The following PCDHA2 variants were observed in gnomAD, a reference collection of about 807,000 sequenced individuals.
PCDHA2 encodes protocadherin alpha-2.
PCDHA2 carries 58 observed loss-of-function variants against 66.0 expected under a neutral mutation model. The ratio of observed to expected loss-of-function variants is 0.88; its 90% CI spans 0.71 to 1.09. The LOEUF (loss-of-function observed/expected upper bound fraction) is 1.09, where lower values mean the gene tolerates loss of function less well. PCDHA2 is among the 50% of genes least tolerant of loss of function. PCDHA2 has a pLI of 0.00. For missense variants in PCDHA2, 1,267 were observed against 1,242.3 expected (o/e 1.02, Z -0.30); for synonymous variants, 634 against 554.0 (o/e 1.14, Z -2.03).
In PCDHA2 at chr5:140,846,938, C is replaced by A. The variant is rs1187863995; in HGVS notation, c.2388+49586C>A. 2.7e-5 allele frequency among the ~76,000 whole-genome samples: 4 copies of A among 149,452 alleles called. 2 individuals are homozygous for A. The highest frequency in any genetic ancestry group is 6.0e-5 in the Non-Finnish European group (4 of 66,840). On this transcript the variant is annotated intron_variant, in intron 1 of 3. Coordinates refer to ENST00000526136, the MANE Select transcript of PCDHA2 (RefSeq NM_018905.3). ...TCCTATTTGAATTTTTGAAGAAATACTTGAAGGGGCATGGTGTGTTTCAGT... is the reference window on the plus strand; with the variant it reads ...TCCTATTTGAATTTTTGAAGAAATAATTGAAGGGGCATGGTGTGTTTCAGT...
rs115974425 is a variant in PCDHA2 at position 140,805,899 on chromosome 5, C to T, written c.2388+8547C>T. ...GGCAATGGAAGGAAGCAAACATTTT[C>T]TGCAGGGTAAATATTTAGGAAATAT... On this transcript the variant is annotated intron_variant, in intron 1 of 3. Transcript: ENST00000526136. Among the ~76,000 whole-genome samples the T allele has an allele frequency of 6.6e-3, 1,004 of 152,236 alleles. 12 individuals carry two copies. The highest frequency in any genetic ancestry group is 9.3e-3 in the Non-Finnish European group (635 of 68,000).
At chr5:140,946,374 CGGTT>C (rs1308149019) in intron 1 of PCDHA2, among the ~76,000 whole-genome samples, 6 of 151,656 alleles carry the variant, frequency 4.0e-5, no homozygotes, top group Non-Finnish European at 5.9e-5. Flanking sequence ...CTCTTGCACA[CGGTT>C]GGTAGGAATG....
intron 1 of PCDHA2, among the ~76,000 whole-genome samples, chr5:140,885,682 A>G (rs1367880744): frequency 6.6e-6 from 1 of 152,194 alleles, no homozygotes; most frequent in Non-Finnish European, 1.5e-5. Flanking sequence ...TTCTATCTCA[A>G]GAAGCAATAG....
chr5:140,921,732 A>G lies in PCDHA2; in HGVS notation c.2389-57217A>G, dbSNP rs1345229893. 2.0e-5 allele frequency among the ~76,000 whole-genome samples: 3 copies of G among 152,206 alleles called. No individual in the cohort carries two copies. In the East Asian group the frequency reaches 5.8e-4, roughly 29 times the overall value. ...AAACACACGAATTACTCCCATAAAA[A>G]TTATAAGCATAACAGGACACTTCTT... is the stretch of plus-strand genomic sequence containing the variant. On this transcript the variant is annotated intron_variant, in intron 1 of 3. Coordinates refer to ENST00000526136, the MANE Select transcript of PCDHA2 (RefSeq NM_018905.3).
intron 1 of PCDHA2, chr5:140,882,210 CAGTTTG>C (rs1332497676): frequency 6.5e-7 from 1 of 1,533,604 alleles, no homozygotes; most frequent in African/African-American, 1.4e-5. Flanking sequence ...CCTTGAGAGA[CAGTTTG>C]AGGTAAGGCG....
At chr5:140,971,987 G>A (rs1246433962) in intron 1 of PCDHA2, among the ~76,000 whole-genome samples, 1 of 152,086 alleles carries the variant, frequency 6.6e-6, no homozygotes, top group Non-Finnish European at 1.5e-5. Context: ...GTAGACAGAA[G>A]TTCCAATGTT....
intron 1 of PCDHA2, chr5:140,843,909 G>T: frequency 8.0e-6 from 5 of 623,976 alleles, no homozygotes; most frequent in Non-Finnish European, 1.4e-5. Context: ...CCACAAGTTG[G>T]GTCTATCTTG....
At chr5:140,916,261 A>C (rs2077497892) in intron 1 of PCDHA2, among the ~76,000 whole-genome samples, 1 of 152,168 alleles carries the variant, frequency 6.6e-6, no homozygotes. Context: ...GGACCCCAAG[A>C]GCATGCTTGT....
chr5:140,828,276 G>T lies in PCDHA2; in HGVS notation c.2388+30924G>T, dbSNP rs2150153517. 9 of 1,613,972 alleles carry T rather than the reference G, an allele frequency of 5.6e-6. No individual in the cohort carries two copies. In the East Asian group the frequency reaches 6.7e-5, roughly 12 times the overall value. ...CTGGAGCTGGCGGAGCTGGTGCCGCGCCTGTTCAGGATGGCCTCCAAAGAC... is the reference window on the plus strand; with the variant it reads ...CTGGAGCTGGCGGAGCTGGTGCCGCTCCTGTTCAGGATGGCCTCCAAAGAC... On this transcript the variant is annotated intron_variant, in intron 1 of 3. Coordinates refer to ENST00000526136, the MANE Select transcript of PCDHA2 (RefSeq NM_018905.3).
intron 3 of PCDHA2, among the ~76,000 whole-genome samples, chr5:140,992,995 A>C (rs1347087034): frequency 2.0e-5 from 3 of 152,202 alleles, no homozygotes; most frequent in African/African-American, 7.2e-5. Context: ...GACCCATGAA[A>C]GAGCCTCCCC....
intron 1 of PCDHA2, among the ~76,000 whole-genome samples, chr5:140,874,733 A>G (rs929245096): frequency 6.6e-6 from 1 of 152,244 alleles, no homozygotes; most frequent in Non-Finnish European, 1.5e-5. Context: ...TATCACATTC[A>G]AGCATCAAGG....
chr5:140,964,138 C>T (rs529852998), intron 1 of PCDHA2, among the ~76,000 whole-genome samples: 1 of 152,300 alleles, frequency 6.6e-6, no homozygotes, highest in Admixed American at 6.5e-5. Flanking sequence ...GTAAGGTTGG[C>T]AGGAGCCTCA....
chr5:140,930,466 T>C (rs2086864823), intron 1 of PCDHA2: 1 of 152,352 alleles, frequency 6.6e-6, no homozygotes. Context: ...CAAGTGATCC[T>C]CCCACCTAGG....
chr5:141,006,350 T>G (rs1254086807), intron 3 of PCDHA2, among the ~76,000 whole-genome samples: 2 of 152,086 alleles, frequency 1.3e-5, no homozygotes, highest in Non-Finnish European at 2.9e-5. Flanking sequence ...TAGCTGGGAC[T>G]ATAGGCGCCC....
In PCDHA2 at chr5:140,967,305, A is replaced by G. The variant is rs782005994; in HGVS notation, c.2389-11644A>G. On this transcript the variant is annotated intron_variant, in intron 1 of 3. Transcript: ENST00000526136. ...GCGCAGGACCCCGACGTGGGCGCCA[A>G]CTCAGTACAGACCTACGAGCTCAGC... The G allele has an allele frequency of 5.7e-5, 92 of 1,612,346 alleles. 1 individual carries two copies. The South Asian group carries it at 9.7e-4, about 17-fold the overall frequency.
chr5:140,808,616 G>A (rs549483688), intron 1 of PCDHA2: 1 of 1,613,788 alleles, frequency 6.2e-7, no homozygotes, highest in South Asian at 1.1e-5. Context: ...CATCTTCACT[G>A]TGTCTGCGTG....
intron 3 of PCDHA2, among the ~76,000 whole-genome samples, chr5:140,993,418 C>A (rs59434300): frequency 6.6e-5 from 10 of 151,302 alleles, no homozygotes; most frequent in Non-Finnish European, 1.5e-4. Context: ...ATCAGCATTT[C>A]TCTTTTAAAA....
intron 1 of PCDHA2, chr5:140,877,987 C>T: frequency 3.5e-6 from 4 of 1,151,316 alleles, no homozygotes; most frequent in Non-Finnish European, 4.6e-6. Context: ...TCATTTTGAA[C>T]TTTTATGTAT....
rs2150169954 is a variant in PCDHA2 at position 140,829,555 on chromosome 5, G to C, written c.2388+32203G>C. 7.4e-5 allele frequency: 119 copies of C among 1,612,836 alleles called. No homozygotes were observed. In the East Asian group the frequency reaches 1.6e-3, roughly 21 times the overall value. On this transcript the variant is annotated intron_variant, in intron 1 of 3. Transcript: ENST00000526136. Reference sequence around the variant, plus strand: ...GAGACGCGGACGCGCAGGAGAACGCGCTGGTGTCCTACTCGCTGGTGGAGC... The same window carrying C: ...GAGACGCGGACGCGCAGGAGAACGCCCTGGTGTCCTACTCGCTGGTGGAGC...
Sources: allele counts gnomAD v4.1 joint callset (sites outside exome capture counted in the v4.1 genomes callset), GRCh38; gene constraint gnomAD v4.1.1; transcripts MANE v1.5; gene names NCBI Gene and HGNC (gene_info 2026-07-23, HGNC 2026-07-21).